Variants in SYNE1 observed in about 807,000 individuals in gnomAD.
SYNE1 encodes nesprin-1.
SYNE1 carries 616 observed loss-of-function variants against 1,111.0 expected under a neutral mutation model. The observed-to-expected ratio is 0.55, with a 90% CI of 0.52 to 0.59. The LOEUF (loss-of-function observed/expected upper bound fraction) is 0.59. Among genes scored for constraint, SYNE1 ranks in the 20% least tolerant of loss-of-function variants. SYNE1 has a pLI of 0.00. For missense variants in SYNE1, 10,006 were observed against 10,417.0 expected (o/e 0.96, Z 1.72); for synonymous variants, 3,855 against 3,825.8 (o/e 1.01, Z -0.28).
chr6:152,585,258 C>T (rs777653673), intron 3 of SYNE1, among the ~76,000 whole-genome samples: 1 of 152,224 alleles, frequency 6.6e-6, no homozygotes, highest in Non-Finnish European at 1.5e-5. Context: ...GTCAATTAAA[C>T]TTCTTTCCTT....
At chr6:152,195,497 G>A (rs969854262) in intron 127 of SYNE1, among the ~76,000 whole-genome samples, 7 of 151,318 alleles carry the variant, frequency 4.6e-5, no homozygotes, top group Non-Finnish European at 8.8e-5. Context: ...AGTCACTGCA[G>A]TCAAATCTGC....
chr6:152,487,413 T>C (rs2154299324), intron 12 of SYNE1, among the ~76,000 whole-genome samples: 1 of 152,356 alleles, frequency 6.6e-6, no homozygotes, highest in African/African-American at 2.4e-5. Flanking sequence ...TATTCCATGG[T>C]GTATATGTAC....
Position 152,148,298 on chromosome 6 carries a change from G to C in SYNE1, c.24723C>G (p.His8241Gln), listed in dbSNP as rs141586001. ...AAAGCAGGCTGTCTGCAGAGCGGTC[G>C]TGCCAGTGCAGGTCCGACAGAGCTG... ...DSAALSDLHW[H>Q]DRSADSLLSP... Residue 8241 changes from histidine (H) to glutamine (Q), a missense_variant, in exon 137 of 146, where the codon CAC becomes CAG. Physicochemically the swap from His to Gln is conservative, Grantham distance 24 (BLOSUM62 0). Coordinates refer to ENST00000367255, the MANE Select transcript of SYNE1 (RefSeq NM_182961.4). This position sits in a 1 kb window ranked among gnomAD's most constrained non-coding sequence, Gnocchi z 4.1. The C allele has an allele frequency of 5.5e-4, 888 of 1,613,898 alleles. 2 individuals are homozygous for C. Among genetic ancestry groups the C allele is most frequent in the Non-Finnish European group, 7.2e-4 (850 of 1,179,882 alleles).
intron 94 of SYNE1, 81 bp from the exon 95 acceptor site, chr6:152,293,830 A>G: frequency 6.2e-7 from 1 of 1,610,930 alleles, no homozygotes; most frequent in Admixed American, 1.7e-5. Flanking sequence ...TCAGTGCTTT[A>G]CCTCTGTGGC....
At chr6:152,409,887 A>G (rs893987776) in intron 42 of SYNE1, among the ~76,000 whole-genome samples, 178 bp from the exon 43 acceptor site, 3 of 152,328 alleles carry the variant, frequency 2.0e-5, no homozygotes. Flanking sequence ...TGTCTAAAAT[A>G]TTCTCCGTGA....
Position 152,508,435 on chromosome 6 carries a change from C to A in SYNE1, c.581+1758G>T, listed in dbSNP as rs375775349. On this transcript the variant is annotated intron_variant, in intron 8 of 145. Coordinates refer to ENST00000367255, the MANE Select transcript of SYNE1 (RefSeq NM_182961.4). ...GAGCTGTCACCAGACTCTTGCACAT[C>A]TTTGAAACCCAACATAGCATGCATG... 1.1e-4 allele frequency among the ~76,000 whole-genome samples: 16 copies of A among 152,326 alleles called. No individual in the cohort carries two copies. In the East Asian group the frequency reaches 2.9e-3, roughly 28 times the overall value.
chr6:152,466,793 A>G (rs1682057159), intron 16 of SYNE1, among the ~76,000 whole-genome samples: 1 of 152,116 alleles, frequency 6.6e-6, no homozygotes, highest in Non-Finnish European at 1.5e-5. Flanking sequence ...GATTATTATT[A>G]CTTCTTGAAA....
At chr6:152,169,031 C>T (rs1011695104) in intron 130 of SYNE1, among the ~76,000 whole-genome samples, 7 of 151,742 alleles carry the variant, frequency 4.6e-5, no homozygotes, top group Non-Finnish European at 8.8e-5. Context: ...AAAATAAGTC[C>T]CCAAATTATT....
chr6:152,469,087 T>C (rs1257834550), intron 16 of SYNE1, among the ~76,000 whole-genome samples: 2 of 152,048 alleles, frequency 1.3e-5, no homozygotes, highest in Non-Finnish European at 2.9e-5. Flanking sequence ...CAGCCCTTTT[T>C]TGGGGGAGTG....
intron 131 of SYNE1, among the ~76,000 whole-genome samples, chr6:152,159,026 A>G (rs911949645): frequency 3.9e-5 from 6 of 152,176 alleles, no homozygotes; most frequent in Non-Finnish European, 7.3e-5. Context: ...ATCTCGGCTC[A>G]CTGCAACCTC....
chr6:152,545,307 C>A (rs1186483156), intron 3 of SYNE1, among the ~76,000 whole-genome samples: 3 of 152,108 alleles, frequency 2.0e-5, no homozygotes, highest in Non-Finnish European at 4.4e-5. Context: ...AGTCCGGGTG[C>A]TGTGGCTCAT....
chr6:152,281,012 CA>C (rs1026132838), intron 97 of SYNE1, among the ~76,000 whole-genome samples: 1 of 150,872 alleles, frequency 6.6e-6, no homozygotes, highest in Non-Finnish European at 1.5e-5. Flanking sequence ...CCTCTGAGTC[CA>C]AAAAAAAGGA....
chr6:152,608,779 C>T (rs1482926545), intron 3 of SYNE1, among the ~76,000 whole-genome samples: 1 of 151,990 alleles, frequency 6.6e-6, no homozygotes, highest in Non-Finnish European at 1.5e-5. Flanking sequence ...ACTAAAAATA[C>T]AAAAATTAGC....
chr6:152,309,121 C>G (rs964532860), intron 90 of SYNE1, among the ~76,000 whole-genome samples: 2 of 152,138 alleles, frequency 1.3e-5, no homozygotes, highest in African/African-American at 4.8e-5. Context: ...GAGTTCAATA[C>G]AGCCTGGGCA....
intron 3 of SYNE1, among the ~76,000 whole-genome samples, chr6:152,545,774 T>C (rs1000961486): frequency 1.3e-5 from 2 of 152,176 alleles, no homozygotes; most frequent in African/African-American, 2.4e-5. Flanking sequence ...TTATGCCTAA[T>C]AGGTTTCTTT....
intron 130 of SYNE1, among the ~76,000 whole-genome samples, chr6:152,170,925 C>T (rs972807453): frequency 3.9e-5 from 6 of 152,114 alleles, no homozygotes; most frequent in African/African-American, 1.4e-4. Context: ...CCAGACTGTT[C>T]TTGTGGTAGC....
At chr6:152,439,522 C>A in intron 32 of SYNE1, among the ~76,000 whole-genome samples, 1 of 152,116 alleles carries the variant, frequency 6.6e-6, no homozygotes, top group Admixed American at 6.6e-5. Context: ...AGCCATCGTA[C>A]CCGGCCAAAT....
At chr6:152,629,450 C>T (rs1321048971) in intron 2 of SYNE1, among the ~76,000 whole-genome samples, 2 of 148,528 alleles carry the variant, frequency 1.3e-5, no homozygotes, top group African/African-American at 5.0e-5. Flanking sequence ...AAGTGATCTG[C>T]CCACCTCGGC....
At chr6:152,365,661 C>T (rs1160222627) in intron 62 of SYNE1, among the ~76,000 whole-genome samples, 2 of 150,228 alleles carry the variant, frequency 1.3e-5, no homozygotes, top group Non-Finnish European at 1.5e-5. Flanking sequence ...AAGGTGAGGT[C>T]GATGCCCAGC....
Sources: allele counts gnomAD v4.1 joint callset (sites outside exome capture counted in the v4.1 genomes callset), GRCh38; gene constraint gnomAD v4.1.1; non-coding constraint Gnocchi (gnomAD v3.1); transcripts MANE v1.5; gene names NCBI Gene and HGNC (gene_info 2026-07-23, HGNC 2026-07-21).